The following ZFHX3 variants were observed in gnomAD, a reference collection of about 807,000 sequenced individuals.
ZFHX3 encodes zinc finger homeobox protein 3.
A neutral mutation model predicts 279.1 loss-of-function variants in ZFHX3; 42 were observed. That is an observed-to-expected ratio of 0.15 (90% CI 0.12 to 0.19). ZFHX3 has a LOEUF of 0.19. Among genes scored for constraint, ZFHX3 ranks in the 10% least tolerant of loss-of-function variants. ZFHX3 has a pLI of 1.00. For synonymous variants in ZFHX3, 2,293 were observed against 1,957.8 expected (o/e 1.17, Z -4.52); for missense variants, 4,981 against 4,754.0 (o/e 1.05, Z -1.40).
chr16:73,265,203 G>A (rs2013942294), intron 4 of ZFHX3, among the ~76,000 whole-genome samples: 1 of 152,004 alleles, frequency 6.6e-6, no homozygotes, highest in Non-Finnish European at 1.5e-5. Flanking sequence ...ACACACATGT[G>A]CAAGTATCTT....
chr16:73,786,317 T>G (rs1351992129), intron 1 of ZFHX3, among the ~76,000 whole-genome samples: 1 of 152,196 alleles, frequency 6.6e-6, no homozygotes, highest in Admixed American at 6.5e-5. Context: ...TTTTTCTCTT[T>G]TCTTCCCCCT....
intron 2 of ZFHX3, among the ~76,000 whole-genome samples, chr16:73,544,281 C>T (rs1338586908): frequency 6.6e-6 from 1 of 152,144 alleles, no homozygotes; most frequent in African/African-American, 2.4e-5. Context: ...TTCTCTTTTC[C>T]TTCTCTTCTT....
chr16:73,587,695 C>A (rs1457958646), intron 2 of ZFHX3, among the ~76,000 whole-genome samples: 1 of 152,070 alleles, frequency 6.6e-6, no homozygotes, highest in East Asian at 1.9e-4. Context: ...AGAAAACATA[C>A]CCAATAGAGA....
At chr16:73,485,030 G>T (rs1020828895) in intron 2 of ZFHX3, among the ~76,000 whole-genome samples, 13 of 152,094 alleles carry the variant, frequency 8.5e-5, no homozygotes, top group Admixed American at 2.0e-4. Flanking sequence ...GACTATAAAA[G>T]GATACTGCCA....
intron 2 of ZFHX3, among the ~76,000 whole-genome samples, chr16:73,580,707 T>C (rs2143823221): frequency 6.6e-6 from 1 of 151,878 alleles, no homozygotes; most frequent in South Asian, 2.1e-4. Context: ...TTGCTTTCTC[T>C]CTCTGTCTCT....
At chr16:73,853,925 T>A (rs1469786214) in intron 1 of ZFHX3, among the ~76,000 whole-genome samples, 2 of 152,320 alleles carry the variant, frequency 1.3e-5, no homozygotes, top group African/African-American at 4.8e-5. Flanking sequence ...TCTCCTATTA[T>A]CACTTGGTCA....
chr16:72,996,606 T>C (rs1442872525), intron 1 of ZFHX3, among the ~76,000 whole-genome samples: 3 of 152,214 alleles, frequency 2.0e-5, no homozygotes. Flanking sequence ...TAACTGGTTG[T>C]GAGCCTACAA....
chr16:73,722,221 A>C (rs1331841209), intron 1 of ZFHX3, among the ~76,000 whole-genome samples: 1 of 152,186 alleles, frequency 6.6e-6, no homozygotes, highest in Admixed American at 6.5e-5. Flanking sequence ...GTGGACAATA[A>C]GTAGGCACTT....
At chr16:73,640,680 T>C (rs74030145) in intron 2 of ZFHX3, among the ~76,000 whole-genome samples, 1,805 of 152,066 alleles carry the variant, frequency 0.012, 32 homozygotes, top group African/African-American at 0.041. Context: ...GGAGAAAAGA[T>C]AAGAAAATCG....
chr16:73,537,159 T>A (rs1384650892), intron 2 of ZFHX3, among the ~76,000 whole-genome samples: 4 of 152,122 alleles, frequency 2.6e-5, no homozygotes, highest in African/African-American at 9.7e-5. Flanking sequence ...GTAGACATGA[T>A]GCTTTGGGCT....
intron 1 of ZFHX3, among the ~76,000 whole-genome samples, chr16:72,962,522 C>T (rs751277775): frequency 1.1e-4 from 17 of 152,198 alleles, no homozygotes; most frequent in African/African-American, 4.1e-4. Flanking sequence ...AGGAGGAACC[C>T]ACTGCAGGAC....
intron 4 of ZFHX3, among the ~76,000 whole-genome samples, chr16:72,833,766 C>T (rs1324333919): frequency 2.0e-5 from 3 of 152,094 alleles, no homozygotes; most frequent in African/African-American, 7.2e-5. Flanking sequence ...TTAGAAGACA[C>T]CAGAGAAGGT....
intron 3 of ZFHX3, among the ~76,000 whole-genome samples, chr16:73,424,263 G>T (rs145795854): frequency 3.3e-5 from 5 of 152,150 alleles, no homozygotes; most frequent in Non-Finnish European, 7.3e-5. Context: ...GTAAAACAGA[G>T]GTAATGATAC....
chr16:73,108,252 T>C (rs1282193966), intron 7 of ZFHX3, among the ~76,000 whole-genome samples: 3 of 151,736 alleles, frequency 2.0e-5, no homozygotes, highest in Admixed American at 6.6e-5. Flanking sequence ...GAGGATTGCT[T>C]GGGCCTGGGA....
chr16:72,798,628 C>T lies in ZFHX3; in HGVS notation c.4054G>A (p.Gly1352Ser). The T allele has an allele frequency of 6.2e-7, 1 of 1,614,020 alleles. No individual in the cohort carries two copies. The highest frequency in any genetic ancestry group is 8.5e-7 in the Non-Finnish European group (1 of 1,179,996). Reference protein sequence around the residue: ...GDLKPSPADPGSVREDSGFIC... With the variant: ...GDLKPSPADPSSVREDSGFIC... ...AAGCCTGAGTCTTCTCTCACAGAGCCTGGGTCAGCAGGGGATGGTTTCAAA... is the reference window on the plus strand; with the variant it reads ...AAGCCTGAGTCTTCTCTCACAGAGCTTGGGTCAGCAGGGGATGGTTTCAAA... Residue 1352 changes from glycine to serine, a missense_variant, in exon 9 of 10, where the codon GGC (glycine) becomes AGC (serine). This residue lies in a region of ZFHX3 where 1,751 missense variants were observed against 1,770.0 expected (regional missense o/e 0.99). Transcript: ENST00000268489.
chr16:73,227,353 T>G (rs879308163), intron 5 of ZFHX3, among the ~76,000 whole-genome samples: 1 of 152,124 alleles, frequency 6.6e-6, no homozygotes, highest in Non-Finnish European at 1.5e-5. Context: ...TAATACAGAA[T>G]AAAGACCAAG....
intron 3 of ZFHX3, among the ~76,000 whole-genome samples, chr16:73,364,376 A>T (rs1022288027): frequency 1.3e-5 from 2 of 149,658 alleles, no homozygotes; most frequent in African/African-American, 4.9e-5. Context: ...TTGTAATATT[A>T]TAATAATAAT....
At chr16:73,432,222 G>A (rs1342141376) in intron 3 of ZFHX3, among the ~76,000 whole-genome samples, 1 of 152,050 alleles carries the variant, frequency 6.6e-6, no homozygotes, top group Non-Finnish European at 1.5e-5. Flanking sequence ...TGGTTTCTAG[G>A]CCATTATTCT....
At chr16:73,389,054 A>G (rs1038203270) in intron 3 of ZFHX3, 10 of 152,110 alleles carry the variant, frequency 6.6e-5, no homozygotes, top group African/African-American at 2.4e-4. Context: ...ACACGTCCCT[A>G]TGTGCAAAGA....
Sources: allele counts gnomAD v4.1 joint callset (sites outside exome capture counted in the v4.1 genomes callset), GRCh38; gene constraint gnomAD v4.1.1; regional missense constraint gnomAD v4.1.1; transcripts MANE v1.5; gene names NCBI Gene and HGNC (gene_info 2026-07-23, HGNC 2026-07-21).